Variants in ZC3H11A observed in about 807,000 individuals in gnomAD.
The protein encoded by ZC3H11A is zinc finger CCCH-type containing 11A.
In ZC3H11A, 22 loss-of-function variants were observed where a neutral mutation model predicts 90.8. That is an observed-to-expected ratio of 0.24 (90% CI 0.17 to 0.35). ZC3H11A has a LOEUF of 0.35. Among genes scored for constraint, ZC3H11A ranks in the 10% least tolerant of loss-of-function variants. The pLI, the probability that ZC3H11A is intolerant of heterozygous loss-of-function variation, is 1.00. For synonymous variants in ZC3H11A, 294 were observed against 339.8 expected, an observed-to-expected ratio of 0.87 and a Z score of 1.48; for missense variants, 701 against 964.9, an observed-to-expected ratio of 0.73 and a Z score of 3.62.
At chr1:203,833,140 C>T (rs879424445) in intron 9 of ZC3H11A, among the ~76,000 whole-genome samples, 4 of 152,046 alleles carry the variant, frequency 2.6e-5, no homozygotes, top group Admixed American at 6.6e-5. Flanking sequence ...GAGGCCGAGG[C>T]GGGCAGATCA....
intron 10 of ZC3H11A, chr1:203,835,448 A>G (rs1349076579): frequency 1.3e-5 from 2 of 154,304 alleles, no homozygotes; most frequent in African/African-American, 4.8e-5. Flanking sequence ...GAAATGAGGC[A>G]GTCTTTAGAA....
chr1:203,828,826 G>A (rs1423555333), intron 5 of ZC3H11A, among the ~76,000 whole-genome samples: 1 of 152,188 alleles, frequency 6.6e-6, no homozygotes, highest in Non-Finnish European at 1.5e-5. Context: ...ATAGAATTGA[G>A]TAGTTGAGAC....
At chr1:203,805,742 G>A in intron 2 of ZC3H11A, 1 of 669,448 alleles carries the variant, frequency 1.5e-6, no homozygotes, top group Non-Finnish European at 2.9e-6. Context: ...TAGAACTCTT[G>A]GTCAGCCACA....
intron 2 of ZC3H11A, among the ~76,000 whole-genome samples, chr1:203,808,083 A>G (rs976797177): frequency 2.6e-5 from 4 of 151,876 alleles, no homozygotes. Flanking sequence ...CTTTTTTGTA[A>G]GTTCTTTTTC....
chr1:203,811,174 G>C (rs1276459322), intron 2 of ZC3H11A, among the ~76,000 whole-genome samples: 1 of 151,394 alleles, frequency 6.6e-6, no homozygotes, highest in Non-Finnish European at 1.5e-5. Context: ...CAAGTGTGGT[G>C]GTGGGCACCT....
intron 2 of ZC3H11A, among the ~76,000 whole-genome samples, chr1:203,813,990 T>A (rs534026300): frequency 6.6e-6 from 1 of 151,442 alleles, no homozygotes; most frequent in Non-Finnish European, 1.5e-5. Flanking sequence ...TTTTGCAATA[T>A]GGATAGAGTG....
intron 11 of ZC3H11A, among the ~76,000 whole-genome samples, chr1:203,838,594 A>T (rs1290732075): frequency 6.6e-6 from 1 of 152,212 alleles, no homozygotes; most frequent in African/African-American, 2.4e-5. Flanking sequence ...CTAGATCATA[A>T]TATAGTCTTT....
Position 203,850,004 on chromosome 1 carries a change from G to C in ZC3H11A, c.1917G>C (p.Gln639His). 6.2e-7 allele frequency: 1 copy of C among 1,613,710 alleles called. No homozygotes were observed. The highest frequency in any genetic ancestry group is 8.5e-7 in the Non-Finnish European group (1 of 1,179,924). The stretch of plus-strand genomic sequence containing the variant: ...TATTGAATGTGAAATGTGCAGCACA[G>C]ACCTTGGAAAAAAGGGGTAAAGGCA... ...DSLLNVKCAA[Q>H]TLEKRGKAKP... The change falls in exon 15 of 18, where the codon CAG (glutamine) becomes CAC (histidine). Residue 639 changes from glutamine to histidine, a missense_variant. Coordinates refer to ENST00000367210, the MANE Select transcript of ZC3H11A (RefSeq NM_001376342.1).
At chr1:203,798,532 CTG>C in intron 1 of ZC3H11A, 1 of 1,536,110 alleles carries the variant, frequency 6.5e-7, no homozygotes, top group Non-Finnish European at 8.7e-7. Flanking sequence ...GAAGCTGAGA[CTG>C]AGAGAAGTGA....
chr1:203,852,467 C>T lies in ZC3H11A; in HGVS notation c.*68C>T, dbSNP rs188734964. 3.2e-6 allele frequency: 5 copies of T among 1,540,046 alleles called. No individual in the cohort carries two copies. The East Asian group carries it at 1.1e-4, about 35-fold the overall frequency. On this transcript the variant is annotated 3_prime_UTR_variant, in exon 18 of 18. Transcript: ENST00000367210. Reference sequence around the variant, plus strand: ...CTGGACTTAGTTTCATCTATTGTAACATTTACCTGAGATGATCATTTCTTT... The same window carrying T: ...CTGGACTTAGTTTCATCTATTGTAATATTTACCTGAGATGATCATTTCTTT...
At chr1:203,810,122 G>T (rs1571991009) in intron 2 of ZC3H11A, among the ~76,000 whole-genome samples, 1 of 151,666 alleles carries the variant, frequency 6.6e-6, no homozygotes, top group South Asian at 2.1e-4. Context: ...AAAAGCTGGA[G>T]TGGTGTTTTT....
chr1:203,821,040 C>G (rs1678487016), intron 4 of ZC3H11A, among the ~76,000 whole-genome samples: 1 of 152,088 alleles, frequency 6.6e-6, no homozygotes, highest in Admixed American at 6.6e-5. Context: ...GTATCCTCAC[C>G]TGAATCTCAC....
chr1:203,799,089 G>C (rs891886076), intron 1 of ZC3H11A: 1 of 1,536,036 alleles, frequency 6.5e-7, no homozygotes, highest in Non-Finnish European at 8.7e-7. Context: ...TAGAAAGTGG[G>C]CAGTGCTTTG....
At chr1:203,812,603 A>G (rs1674890514) in intron 2 of ZC3H11A, among the ~76,000 whole-genome samples, 1 of 109,546 alleles carries the variant, frequency 9.1e-6, no homozygotes, top group African/African-American at 3.6e-5. Context: ...TTTTTTTGAG[A>G]CGGAGTCTCA....
chr1:203,796,937 G>C (rs962212211), intron 1 of ZC3H11A: 1 of 153,588 alleles, frequency 6.5e-6, no homozygotes, highest in Admixed American at 6.5e-5. Flanking sequence ...TGCGGAGTCT[G>C]TGTTGGCTTT....
chr1:203,828,470 A>G lies in ZC3H11A; in HGVS notation c.298+48A>G, dbSNP rs1199028070. On this transcript the variant is annotated intron_variant, in intron 5 of 17. Coordinates refer to ENST00000367210, the MANE Select transcript of ZC3H11A (RefSeq NM_001376342.1). Reference sequence around the variant, plus strand: ...AAAGAATATCAAATGAACACCTATTATGCACACTGTACAACAGTACTTTTC... The same window carrying G: ...AAAGAATATCAAATGAACACCTATTGTGCACACTGTACAACAGTACTTTTC... The G allele has an allele frequency of 5.8e-6, 9 of 1,559,186 alleles. No homozygotes were observed. The East Asian group carries it at 1.9e-4, about 33-fold the overall frequency.
At chr1:203,833,948 TG>T in intron 10 of ZC3H11A, 95 bp downstream of exon 10, 1 of 1,470,396 alleles carries the variant, frequency 6.8e-7, no homozygotes. Flanking sequence ...TCTTTGTTAT[TG>T]GTGCCCCTGT....
intron 2 of ZC3H11A, among the ~76,000 whole-genome samples, chr1:203,813,295 C>T (rs6656894): frequency 0.49 from 73,981 of 151,772 alleles, 18,594 homozygotes; most frequent in Non-Finnish European, 0.53. Flanking sequence ...CAACCTCCGC[C>T]TCCCAGGTTC....
rs267598317 is a variant in ZC3H11A, at chr1:203,851,067, C to T, written c.2117C>T (p.Pro706Leu). Residue 706 changes from proline to leucine, a missense_variant, in exon 17 of 18, where the codon CCG becomes CTG. This residue lies in a region of ZC3H11A where 91 missense variants were observed against 86.8 expected (regional missense o/e 1.05). Coordinates refer to ENST00000367210, the MANE Select transcript of ZC3H11A (RefSeq NM_001376342.1). Reference sequence around the variant, plus strand: ...CTCTTCCTTTTGTAGGCTGTTGTCCCGCTTGTCTCTGAGGACAAATCAGTC... The same window carrying T: ...CTCTTCCTTTTGTAGGCTGTTGTCCTGCTTGTCTCTGAGGACAAATCAGTC... Reference protein sequence around the residue: ...PAKKAAVAVVPLVSEDKSVTV... With the variant: ...PAKKAAVAVVLLVSEDKSVTV... 6.2e-7 allele frequency: 1 copy of T among 1,614,088 alleles called. No homozygotes were observed. The highest frequency in any genetic ancestry group is 8.5e-7 in the Non-Finnish European group (1 of 1,180,012).
Sources: gnomAD v4.1 joint callset for allele counts (sites outside exome capture counted in the v4.1 genomes callset) on GRCh38, gnomAD v4.1.1 for gene constraint, gnomAD v4.1.1 regional missense constraint, MANE v1.5 for transcripts, NCBI Gene and HGNC (gene_info 2026-07-23, HGNC 2026-07-21) for gene names.